VPS9D1: variants seen among roughly 807,000 people sequenced by gnomAD.
The protein encoded by VPS9D1 is VPS9 domain containing 1.
VPS9D1 carries 78 observed loss-of-function variants against 75.8 expected under a neutral mutation model. That is an observed-to-expected ratio of 1.03 (90% confidence interval 0.86 to 1.24). The LOEUF (loss-of-function observed/expected upper bound fraction) is 1.24, where lower values mean the gene tolerates loss of function less well. Ranked by LOEUF, VPS9D1 falls within the 50% of genes most tolerant of loss-of-function variation. The probability of loss-of-function intolerance (pLI) is 0.00; values close to 1 mark genes in which losing one functional copy is unlikely to be tolerated. For synonymous variants in VPS9D1, 481 were observed against 385.6 expected (o/e 1.25, Z -2.90); for missense variants, 1,057 against 847.7 (o/e 1.25, Z -3.07).
Position 89,711,427 on chromosome 16 carries a change from G to T in VPS9D1, c.748-15C>A, listed in dbSNP as rs759663999. 1 of 1,596,010 alleles carries T rather than the reference G, an allele frequency of 6.3e-7. No individual in the cohort carries two copies. The highest frequency in any genetic ancestry group is 8.5e-7 in the Non-Finnish European group (1 of 1,171,428). Reference sequence around the variant, plus strand: ...TTCGGCCAGTCCTACGGGACAGGGGGCCTTGAAGGAAAGCACGGTGGGTCC... The same window carrying T: ...TTCGGCCAGTCCTACGGGACAGGGGTCCTTGAAGGAAAGCACGGTGGGTCC... On this transcript the variant is annotated splice_polypyrimidine_tract_variant and intron_variant, in intron 8 of 14. Coordinates refer to ENST00000389386, the MANE Select transcript of VPS9D1 (RefSeq NM_004913.3).
chr16:89,716,441 C>T (rs2061070800), intron 4 of VPS9D1, 21 bp downstream of exon 4: 5 of 1,613,480 alleles, frequency 3.1e-6, no homozygotes, highest in Non-Finnish European at 4.2e-6. Context: ...CTCATCCCAC[C>T]TCCCATCTTG....
In VPS9D1 at chr16:89,711,985, C is replaced by A. The variant is rs1336036030; in HGVS notation, c.660-16G>T. 1.3e-6 allele frequency: 2 copies of A among 1,550,374 alleles called. No homozygotes were observed. Among genetic ancestry groups the A allele is most frequent in the Admixed American group, 3.9e-5 (2 of 50,998 alleles). On this transcript the variant is annotated splice_polypyrimidine_tract_variant and intron_variant, in intron 7 of 14. Transcript: ENST00000389386. ...GCAAAACCTCCTGGGGAGAAAGGCA[C>A]GCGGTGGGTGCCGGGGCCAGGCCCT...
At chr16:89,710,026 G>A in intron 10 of VPS9D1, 120 bp from the exon 11 acceptor site, 1 of 1,400,166 alleles carries the variant, frequency 7.1e-7, no homozygotes, top group South Asian at 1.4e-5. Flanking sequence ...CAAGCCTCCT[G>A]CACCCACCCC....
At position 89,711,871 on chromosome 16, in the gene VPS9D1, G is replaced by T. The variant is rs770955377; in HGVS notation, c.747+11C>A. The T allele has an allele frequency of 3.7e-5, 57 of 1,549,718 alleles. No individual in the cohort carries two copies. The highest frequency in any genetic ancestry group is 2.4e-4 in the East Asian group (10 of 40,896). ...CTCCTCCTACAAAGCCTGGGCCCGT[G>T]GGGGACGCACATGGTCCTGTTCGTA... On this transcript the variant is annotated intron_variant, in intron 8 of 14. Coordinates refer to ENST00000389386, the MANE Select transcript of VPS9D1 (RefSeq NM_004913.3).
Position 89,719,091 on chromosome 16 carries a change from C to A in VPS9D1, c.111G>T (p.Thr37=), listed in dbSNP as rs767743513. The A allele has an allele frequency of 1.2e-6, 2 of 1,613,542 alleles. No individual in the cohort carries two copies. Among genetic ancestry groups the A allele is most frequent in the South Asian group, 1.1e-5 (1 of 91,074 alleles). Residue 37 remains threonine (T), a synonymous_variant, in exon 2 of 15, where the codon ACG becomes ACT. Transcript: ENST00000389386. ...DTGNRPREAY[T]EYLRSIHYIS... ...TATAGTGGATGCTCCTCAGGTATTCCGTGTATGCCTCCTGTGTCCAGGAAA... is the reference window on the plus strand; with the variant it reads ...TATAGTGGATGCTCCTCAGGTATTCAGTGTATGCCTCCTGTGTCCAGGAAA...
At chr16:89,715,697 C>G (rs895146218) in intron 4 of VPS9D1, among the ~76,000 whole-genome samples, 4 of 150,610 alleles carry the variant, frequency 2.7e-5, no homozygotes, top group African/African-American at 9.8e-5. Context: ...TTTTTTGAGA[C>G]GGAGTTTCAC....
At chr16:89,709,068 C>G (rs964584104) in intron 12 of VPS9D1, 112 bp from the exon 13 acceptor site, 66 of 1,066,960 alleles carry the variant, frequency 6.2e-5, no homozygotes, top group Non-Finnish European at 8.3e-5. Flanking sequence ...GGAAGAGCCA[C>G]GGTGACCCTG....
rs562614198 is a variant in VPS9D1, at chr16:89,719,177, T to C, written c.100-75A>G. On this transcript the variant is annotated intron_variant, in intron 1 of 14. Coordinates refer to ENST00000389386, the MANE Select transcript of VPS9D1 (RefSeq NM_004913.3). ...ACTCCATTATTCCGGCCAGGTGCCC[T>C]TGTGGGATAAGCAAGGAACACCACC... is the stretch of plus-strand genomic sequence containing the variant. 2.1e-6 allele frequency: 3 copies of C among 1,412,878 alleles called. No homozygotes were observed. In the South Asian group the frequency reaches 3.5e-5, roughly 16 times the overall value. 87.5% of individuals were successfully genotyped at this position (1,412,878 alleles called of 1,614,324 possible).
At chr16:89,716,920 G>T in intron 2 of VPS9D1, 98 bp from the exon 3 acceptor site, 1 of 1,123,466 alleles carries the variant, frequency 8.9e-7, no homozygotes, top group Non-Finnish European at 1.2e-6. Flanking sequence ...CAAGCCCACT[G>T]CCCCCCTCAG....
rs763052865 is a variant in VPS9D1 at position 89,708,878 on chromosome 16, G to A, written c.1676C>T (p.Pro559Leu). The A allele has an allele frequency of 1.4e-5, 22 of 1,584,140 alleles. No individual in the cohort carries two copies. The highest frequency in any genetic ancestry group is 1.1e-4 in the African/African-American group (8 of 73,208). Residue 559 changes from proline (P) to leucine (L), a missense_variant, in exon 13 of 15, where the codon CCG (proline) becomes CTG (leucine). Coordinates refer to ENST00000389386, the MANE Select transcript of VPS9D1 (RefSeq NM_004913.3). ...TCACATGGCAGCTGCAGCGATGGGCGGGGGCCCGGCCTGGGGTGTGGCCTC... is the reference window on the plus strand; with the variant it reads ...TCACATGGCAGCTGCAGCGATGGGCAGGGGCCCGGCCTGGGGTGTGGCCTC... The part of the protein sequence containing the change: ...TPEATPQAGP[P>L]PIAAAAIGAD...
At chr16:89,711,270 G>C in intron 9 of VPS9D1, 57 bp downstream of exon 9, 1 of 1,520,826 alleles carries the variant, frequency 6.6e-7, no homozygotes. Flanking sequence ...CTGGCACCAG[G>C]CAGAGGTGCC....
intron 14 of VPS9D1, 74 bp downstream of exon 14, chr16:89,708,353 A>G (rs1031032961): frequency 3.5e-6 from 5 of 1,422,776 alleles, no homozygotes; most frequent in African/African-American, 2.8e-5. Flanking sequence ...GCTACTGACA[A>G]CCACCGTTTA....
intron 11 of VPS9D1, 106 bp from the exon 12 acceptor site, chr16:89,709,541 T>A: frequency 7.5e-7 from 1 of 1,340,398 alleles, no homozygotes; most frequent in Non-Finnish European, 9.9e-7. Flanking sequence ...GCTATGTATC[T>A]CAAGCAAAAA....
intron 4 of VPS9D1, among the ~76,000 whole-genome samples, chr16:89,714,486 T>C (rs1337853322): frequency 6.6e-6 from 1 of 152,176 alleles, no homozygotes; most frequent in Non-Finnish European, 1.5e-5. Flanking sequence ...ACCTTCCCAC[T>C]GTCAGGGACA....
At position 89,720,792 on chromosome 16, in the gene VPS9D1, T is replaced by C; in HGVS notation, c.70A>G (p.Ile24Val). Reference protein sequence around the residue: ...QSAMKLANGAIELDTGNRPRE... With the variant: ...QSAMKLANGAVELDTGNRPRE... ...GGCCGGTTGCCGGTGTCCAGCTCGA[T>C]GGCCCCGTTGGCAAGCTTCATGGCG... The change falls in exon 1 of 15, where the codon ATC becomes GTC. Residue 24 changes from isoleucine to valine, a missense_variant. Transcript: ENST00000389386. The C allele has an allele frequency of 1.4e-6, 2 of 1,459,634 alleles. No individual in the cohort carries two copies. The highest frequency in any genetic ancestry group is 3.1e-5 in the East Asian group (1 of 32,168). The allele number at this position is 1,459,634 out of a possible 1,614,324, so 90.4% of individuals were successfully genotyped here. A position where few individuals can be genotyped will look rare whatever the true frequency, so the allele number is the denominator to read the frequency against.
At position 89,716,473 on chromosome 16, in the gene VPS9D1, T is replaced by C; in HGVS notation, c.420A>G (p.Gln140=). Residue 140 remains glutamine (Q), a synonymous_variant, in exon 4 of 15, where the codon CAA becomes CAG. Transcript: ENST00000389386. ...IFQKLQGAES[Q]SCKKELTPLE... Reference sequence around the variant, plus strand: ...CTTGTCCATCTTACTTCTTACAGCTTTGTGACTCTGCCCCCTGAAGCTTCT... The same window carrying C: ...CTTGTCCATCTTACTTCTTACAGCTCTGTGACTCTGCCCCCTGAAGCTTCT... 2 of 1,614,000 alleles carry C rather than the reference T, an allele frequency of 1.2e-6. No individual in the cohort carries two copies. The highest frequency in any genetic ancestry group is 1.7e-6 in the Non-Finnish European group (2 of 1,179,982).
chr16:89,707,905 G>C lies in VPS9D1; in HGVS notation c.1852C>G (p.Leu618Val). 6.2e-7 allele frequency: 1 copy of C among 1,613,158 alleles called. No homozygotes were observed. Among genetic ancestry groups the C allele is most frequent in the South Asian group, 1.1e-5 (1 of 91,084 alleles). Residue 618 changes from leucine (L) to valine (V), a missense_variant, in exon 15 of 15, where the codon CTG becomes GTG. By Grantham distance (32) the Leu-to-Val change is conservative. Transcript: ENST00000389386. Reference protein sequence around the residue: ...GYCLTSLQSALSYVELLPRGG... With the variant: ...GYCLTSLQSAVSYVELLPRGG... ...CGGGGCAGCAGCTCCACGTAGCTCA[G>C]GGCACTCTGCAGTGATGTGAGGCAG...
At chr16:89,714,307 A>G (rs1023383563) in intron 4 of VPS9D1, among the ~76,000 whole-genome samples, 7 of 152,082 alleles carry the variant, frequency 4.6e-5, no homozygotes, top group Non-Finnish European at 7.4e-5. Flanking sequence ...GCCCAAGACA[A>G]TTCTTCCAGT....
chr16:89,719,120 A>G lies in VPS9D1; in HGVS notation c.100-18T>C. 1 of 1,612,352 alleles carries G rather than the reference A, an allele frequency of 6.2e-7. No homozygotes were observed. The highest frequency in any genetic ancestry group is 8.5e-7 in the Non-Finnish European group (1 of 1,178,890). On this transcript the variant is annotated intron_variant, in intron 1 of 14. Transcript: ENST00000389386. ...TATGCCTCCTGTGTCCAGGAAAGAG[A>G]AAGAGTGGGGTCAGGCCAGTGGAGG...
Sources: gnomAD v4.1 joint callset for allele counts (sites outside exome capture counted in the v4.1 genomes callset) on GRCh38, gnomAD v4.1.1 for gene constraint, MANE v1.5 for transcripts, NCBI Gene and HGNC (gene_info 2026-07-23, HGNC 2026-07-21) for gene names.